The following UMODL1 variants were observed in gnomAD, a reference collection of about 807,000 sequenced individuals.
The protein encoded by UMODL1 is uromodulin-like 1.
A neutral mutation model predicts 136.3 loss-of-function variants in UMODL1; 128 were observed. That is an observed-to-expected ratio of 0.94 (90% CI 0.81 to 1.09). The LOEUF (loss-of-function observed/expected upper bound fraction) is 1.09, where lower values mean the gene tolerates loss of function less well. Among genes scored for constraint, UMODL1 ranks in the 50% least tolerant of loss-of-function variants. UMODL1 has a pLI of 0.00. For synonymous variants in UMODL1, 721 were observed against 720.0 expected (o/e 1.00, Z -0.02); for missense variants, 1,766 against 1,725.6 (o/e 1.02, Z -0.41).
At chr21:42,103,060 T>C (rs1181000415) in intron 8 of UMODL1, 1 of 157,616 alleles carries the variant, frequency 6.3e-6, no homozygotes, top group Non-Finnish European at 1.4e-5. Context: ...GTGCAAGCAC[T>C]GGCTCCAGAA....
chr21:42,077,650 C>T (rs576347401), intron 2 of UMODL1, among the ~76,000 whole-genome samples: 65 of 152,338 alleles, frequency 4.3e-4, no homozygotes, highest in Middle Eastern at 6.8e-3. Flanking sequence ...TATCAGTTAA[C>T]TGCATTCTTG....
intron 1 of UMODL1, among the ~76,000 whole-genome samples, chr21:42,065,762 G>C (rs1275602353): frequency 6.6e-6 from 1 of 152,114 alleles, no homozygotes; most frequent in Admixed American, 6.5e-5. Context: ...TCGATCTGCT[G>C]ACCTTGTGAT....
chr21:42,138,637 G>A (rs897854112), intron 22 of UMODL1, among the ~76,000 whole-genome samples: 1 of 151,440 alleles, frequency 6.6e-6, no homozygotes, highest in Non-Finnish European at 1.5e-5. Context: ...GTGCAGTGGT[G>A]CGATCTTGGC....
At chr21:42,120,862 C>T in intron 15 of UMODL1, 1 of 459,866 alleles carries the variant, frequency 2.2e-6, no homozygotes, top group Admixed American at 4.1e-5. Context: ...CAGCCCTGGG[C>T]CAGAATCCTC....
intron 4 of UMODL1, among the ~76,000 whole-genome samples, chr21:42,087,068 G>T (rs1254661201): frequency 6.6e-6 from 1 of 152,232 alleles, no homozygotes; most frequent in Non-Finnish European, 1.5e-5. Context: ...TGGTTCCTGA[G>T]CTTCCTGATG....
chr21:42,102,171 C>T lies in UMODL1; in HGVS notation c.1192C>T (p.Gln398Ter), dbSNP rs997548463. The T allele has an allele frequency of 7.4e-6, 12 of 1,611,010 alleles. No individual in the cohort carries two copies. In the African/African-American group the frequency reaches 9.3e-5, roughly 13 times the overall value. ...TGTTTCACTGTCTGTCTCAGATGCCCAGGTATTTGAAGTCACAATAAAGAT... is the reference window on the plus strand; with the variant it reads ...TGTTTCACTGTCTGTCTCAGATGCCTAGGTATTTGAAGTCACAATAAAGAT... ...STTLTIKTNA[Q>*]VFEVTIKIVN... The change falls in exon 8 of 23, where the codon CAG (glutamine) becomes TAG (stop). Residue 398 changes from glutamine (Q) to a stop codon, truncating the protein, a stop_gained. Transcript: ENST00000408910. LOFTEE classifies it high-confidence loss of function.
intron 1 of UMODL1, among the ~76,000 whole-genome samples, chr21:42,065,131 G>A (rs1476422292): frequency 6.6e-6 from 1 of 152,156 alleles, no homozygotes; most frequent in Admixed American, 6.5e-5. Context: ...AAGACTCCGC[G>A]CCTTGGGACA....
chr21:42,105,564 G>A (rs1181320773), intron 9 of UMODL1, among the ~76,000 whole-genome samples: 2 of 152,218 alleles, frequency 1.3e-5, no homozygotes, highest in African/African-American at 2.4e-5. Flanking sequence ...TCAAGATGAG[G>A]TCCTCCTGCC....
chr21:42,121,119 T>C lies in UMODL1; in HGVS notation c.2722T>C (p.Cys908Arg). Residue 908 changes from cysteine to arginine, a missense_variant, in exon 16 of 23, where the codon TGT (cysteine) becomes CGT (arginine). Transcript: ENST00000408910. The part of the protein sequence containing the change: ...YDECERKEDD[C>R]VPGTSCRNTL... ...TGAGTGTGAAAGGAAGGAGGACGAC[T>C]GTGTGCCGGGGACATCCTGTCGAAA... 6.2e-7 allele frequency: 1 copy of C among 1,614,048 alleles called. No individual in the cohort carries two copies. Among genetic ancestry groups the C allele is most frequent in the Non-Finnish European group, 8.5e-7 (1 of 1,179,976 alleles).
intron 13 of UMODL1, among the ~76,000 whole-genome samples, chr21:42,114,480 G>C (rs2146512389): frequency 6.6e-6 from 1 of 152,342 alleles, no homozygotes; most frequent in East Asian, 1.9e-4. Context: ...GCCATGGGCA[G>C]CTTCCCAAGC....
intron 6 of UMODL1, among the ~76,000 whole-genome samples, chr21:42,096,993 T>C (rs369776750): frequency 6.6e-6 from 1 of 152,186 alleles, no homozygotes; most frequent in Non-Finnish European, 1.5e-5. Context: ...GGGGTCTTTT[T>C]GATTCCAGGG....
At chr21:42,098,799 C>T in intron 6 of UMODL1, 127 bp from the exon 7 acceptor site, 6 of 1,427,596 alleles carry the variant, frequency 4.2e-6, no homozygotes, top group Non-Finnish European at 5.7e-6. Flanking sequence ...CAGTGCTGTT[C>T]TGGATGGGTC....
intron 14 of UMODL1, among the ~76,000 whole-genome samples, chr21:42,117,988 AT>A (rs370415543): frequency 3.3e-5 from 5 of 152,206 alleles, no homozygotes; most frequent in African/African-American, 1.2e-4. Flanking sequence ...ATACAACTTA[AT>A]CACAGAAGTA....
chr21:42,136,785 G>A (rs1350334188), intron 21 of UMODL1, among the ~76,000 whole-genome samples: 1 of 151,710 alleles, frequency 6.6e-6, no homozygotes, highest in Non-Finnish European at 1.5e-5. Context: ...TTGAGACCGA[G>A]TCTTGCTCTG....
At chr21:42,075,278 C>T (rs2066277484) in intron 1 of UMODL1, among the ~76,000 whole-genome samples, 1 of 151,830 alleles carries the variant, frequency 6.6e-6, no homozygotes, top group Non-Finnish European at 1.5e-5. Flanking sequence ...GGGCTGGTCT[C>T]GAACTCCTGA....
chr21:42,124,091 G>A (rs1040824975), intron 17 of UMODL1, among the ~76,000 whole-genome samples: 1 of 152,236 alleles, frequency 6.6e-6, no homozygotes, highest in African/African-American at 2.4e-5. Context: ...CCTGGCTCCA[G>A]GTCCTGCTTC....
At chr21:42,073,551 T>C (rs1245367859) in intron 1 of UMODL1, among the ~76,000 whole-genome samples, 1 of 151,820 alleles carries the variant, frequency 6.6e-6, no homozygotes, top group Non-Finnish European at 1.5e-5. Flanking sequence ...TGGAGTGGGG[T>C]CGCTGTGCAG....
Position 42,142,449 on chromosome 21 carries a change from A to T in UMODL1, c.*375A>T, listed in dbSNP as rs138964231. ...ACCTCCCAGGCCTGTGACCCTCCAC[A>T]CCAGCCCTCAGAACCCTCCTGGGCT... On this transcript the variant is annotated 3_prime_UTR_variant, in exon 23 of 23. Transcript: ENST00000408910. 2,820 of 152,318 alleles carry T rather than the reference A, an allele frequency of 0.019. 47 individuals are homozygous for T. The highest frequency in any genetic ancestry group is 0.028 in the Non-Finnish European group (1,921 of 68,062). The allele number at this position is 152,318 out of a possible 1,614,324, so 9.4% of individuals were successfully genotyped here. A position where few individuals can be genotyped will look rare whatever the true frequency, so the allele number is the denominator to read the frequency against.
intron 17 of UMODL1, among the ~76,000 whole-genome samples, chr21:42,125,458 G>A (rs961336232): frequency 6.6e-6 from 1 of 152,178 alleles, no homozygotes; most frequent in Admixed American, 6.5e-5. Flanking sequence ...CCCCTCGGGG[G>A]CTCTTCAGAT....
Sources: gnomAD v4.1 joint callset for allele counts (sites outside exome capture counted in the v4.1 genomes callset) on GRCh38, gnomAD v4.1.1 for gene constraint, MANE v1.5 for transcripts, NCBI Gene and HGNC (gene_info 2026-07-23, HGNC 2026-07-21) for gene names.